PLEKHM3: variants seen among roughly 807,000 people sequenced by gnomAD.
PLEKHM3 encodes pleckstrin homology domain containing M3.
A neutral mutation model predicts 81.8 loss-of-function variants in PLEKHM3; 45 were observed. That is an observed-to-expected ratio of 0.55 (90% confidence interval 0.43 to 0.71). PLEKHM3 has a LOEUF of 0.71. PLEKHM3 is among the 30% of genes least tolerant of loss of function. The probability of loss-of-function intolerance (pLI) is 0.00; values close to 1 mark genes in which losing one functional copy is unlikely to be tolerated. For synonymous variants in PLEKHM3, 352 were observed against 356.4 expected (o/e 0.99, Z 0.14); for missense variants, 788 against 924.3 (o/e 0.85, Z 1.91).
chr2:207,872,624 G>T (rs1261245249), intron 6 of PLEKHM3, among the ~76,000 whole-genome samples: 2 of 152,178 alleles, frequency 1.3e-5, no homozygotes, highest in Non-Finnish European at 2.9e-5. Flanking sequence ...GATCACCTGA[G>T]GTCAGGAGTT....
At chr2:207,862,994 G>T (rs919225528) in intron 6 of PLEKHM3, among the ~76,000 whole-genome samples, 1 of 152,198 alleles carries the variant, frequency 6.6e-6, no homozygotes. Flanking sequence ...ACTGTGGTGA[G>T]GTTGCACCAG....
At chr2:207,869,277 T>C (rs1574353079) in intron 6 of PLEKHM3, among the ~76,000 whole-genome samples, 1 of 152,176 alleles carries the variant, frequency 6.6e-6, no homozygotes, top group Non-Finnish European at 1.5e-5. Flanking sequence ...GTTATCTCTA[T>C]TTATTCCCTC....
chr2:207,960,749 A>C (rs1690701385), intron 3 of PLEKHM3, among the ~76,000 whole-genome samples: 1 of 152,322 alleles, frequency 6.6e-6, no homozygotes, highest in South Asian at 2.1e-4. Context: ...GGCTGCCTGG[A>C]AACCTTTAGC....
intron 1 of PLEKHM3, among the ~76,000 whole-genome samples, chr2:208,025,120 A>G (rs987909216): frequency 3.9e-5 from 6 of 152,190 alleles, no homozygotes; most frequent in Non-Finnish European, 5.9e-5. Context: ...AACGCACTCA[A>G]CAAGATCACC....
Position 207,861,262 on chromosome 2 carries a change from C to T in PLEKHM3, c.1951G>A (p.Val651Ile). 6.2e-7 allele frequency: 1 copy of T among 1,613,568 alleles called. No individual in the cohort carries two copies. Among genetic ancestry groups the T allele is most frequent in the South Asian group, 1.1e-5 (1 of 90,992 alleles). ...AATGGAGCCAGCTTTCCCTCTATTA[C>T]CTGCAGAAAGAGAAATGGGACAGGG... is the stretch of plus-strand genomic sequence containing the variant. ...HLYSLADLQQ[V>I]IEGKLAPFLG... The change falls in exon 7 of 8, where the codon GTA becomes ATA. Residue 651 changes from valine to isoleucine, a missense_variant and splice_region_variant. Coordinates refer to ENST00000427836, the MANE Select transcript of PLEKHM3 (RefSeq NM_001080475.3).
At chr2:207,834,486 C>T (rs1326111208) in intron 7 of PLEKHM3, among the ~76,000 whole-genome samples, 1 of 146,776 alleles carries the variant, frequency 6.8e-6, no homozygotes, top group East Asian at 2.0e-4. Flanking sequence ...AGTACAATGG[C>T]GCAATCTCGG....
rs1353461986 is a variant in PLEKHM3 at position 207,935,664 on chromosome 2, G to T, written c.1693-4545C>A. On this transcript the variant is annotated intron_variant, in intron 4 of 7. Coordinates refer to ENST00000427836, the MANE Select transcript of PLEKHM3 (RefSeq NM_001080475.3). Reference sequence around the variant, plus strand: ...TACAAAGAGCATAAGTAACTTATTTGTGGTCATGTCATGGTAGAATTAGAG... The same window carrying T: ...TACAAAGAGCATAAGTAACTTATTTTTGGTCATGTCATGGTAGAATTAGAG... 2.0e-5 allele frequency among the ~76,000 whole-genome samples: 3 copies of T among 152,186 alleles called. No individual in the cohort carries two copies. The South Asian group carries it at 6.2e-4, about 32-fold the overall frequency.
Position 207,826,489 on chromosome 2 carries a change from T to G in PLEKHM3, c.*1830A>C, listed in dbSNP as rs2092252142. 6.6e-6 allele frequency: 1 copy of G among 152,216 alleles called. No individual in the cohort carries two copies. Among genetic ancestry groups the G allele is most frequent in the African/African-American group, 2.4e-5 (1 of 41,454 alleles). The allele number at this position is 152,216 out of a possible 1,614,324, so 9.4% of individuals were successfully genotyped here. A position where few individuals can be genotyped will look rare whatever the true frequency, so the allele number is the denominator to read the frequency against. ...AGGGCCCTGGCCTTTTAACAAGTTT[T>G]CAAGCCTTGGTTGCGGCTACTGTAT... On this transcript the variant is annotated 3_prime_UTR_variant, in exon 8 of 8. Coordinates refer to ENST00000427836, the MANE Select transcript of PLEKHM3 (RefSeq NM_001080475.3).
intron 7 of PLEKHM3, among the ~76,000 whole-genome samples, chr2:207,829,266 G>A (rs890324211): frequency 2.0e-5 from 3 of 152,026 alleles, no homozygotes; most frequent in African/African-American, 4.8e-5. Flanking sequence ...TTTTTACAGC[G>A]AAGTTTTTAT....
At position 207,871,149 on chromosome 2, in the gene PLEKHM3, T is replaced by C. The variant is rs182382435; in HGVS notation, c.1951-9887A>G. On this transcript the variant is annotated intron_variant, in intron 6 of 7. Transcript: ENST00000427836. ...AAATATCACCAAAGTATATGGGATA[T>C]TCCTATTTCAAAAAGTTGTTCAAAA... Among the ~76,000 whole-genome samples the C allele has an allele frequency of 2.0e-3, 305 of 152,284 alleles. 1 individual carries two copies. The highest frequency in any genetic ancestry group is 7.1e-3 in the African/African-American group (294 of 41,558).
At chr2:207,934,568 G>GT (rs1422703124) in intron 4 of PLEKHM3, among the ~76,000 whole-genome samples, 1 of 152,172 alleles carries the variant, frequency 6.6e-6, no homozygotes, top group African/African-American at 2.4e-5. Flanking sequence ...GCTGCAGTTT[G>GT]TGAACTGATT....
intron 1 of PLEKHM3, among the ~76,000 whole-genome samples, chr2:208,017,003 T>C (rs1296273163): frequency 6.6e-6 from 1 of 152,212 alleles, no homozygotes; most frequent in Non-Finnish European, 1.5e-5. Flanking sequence ...AAGTCATCTC[T>C]AGGTTACTTA....
chr2:207,911,871 C>G (rs1027150255), intron 5 of PLEKHM3, among the ~76,000 whole-genome samples: 1 of 152,112 alleles, frequency 6.6e-6, no homozygotes, highest in Non-Finnish European at 1.5e-5. Context: ...GGGACAAATG[C>G]AGGAGAGCAT....
At chr2:207,998,178 T>A (rs1692182151) in intron 2 of PLEKHM3, among the ~76,000 whole-genome samples, 1 of 152,170 alleles carries the variant, frequency 6.6e-6, no homozygotes, top group Non-Finnish European at 1.5e-5. Flanking sequence ...TGGCATGCCA[T>A]TTACTCACAT....
At chr2:207,960,708 T>C (rs1464033073) in intron 3 of PLEKHM3, among the ~76,000 whole-genome samples, 2 of 152,152 alleles carry the variant, frequency 1.3e-5, no homozygotes, top group African/African-American at 4.8e-5. Flanking sequence ...TATTGAGAGA[T>C]GAAGATCACA....
Position 207,865,801 on chromosome 2 carries a change from A to AAAAAAAAAAAAAAAAAAT in PLEKHM3, c.1951-4540_1951-4539insATTTTTTTTTTTTTTTTT. Among the ~76,000 whole-genome samples, 4 of 25,298 alleles carry AAAAAAAAAAAAAAAAAAT rather than the reference A, an allele frequency of 1.6e-4. 1 individual carries two copies. The highest frequency in any genetic ancestry group is 7.6e-5 in the Non-Finnish European group (1 of 13,198). The allele number at this position is 25,298 out of a possible 152,430, so 16.6% of individuals were successfully genotyped here. A position where few individuals can be genotyped will look rare whatever the true frequency, so the allele number is the denominator to read the frequency against. On this transcript the variant is annotated intron_variant, in intron 6 of 7. Transcript: ENST00000427836. ...CGACTCAAAAAAAAAAAAAAAAAAA[A>AAAAAAAAAAAAAAAAAAT]AGATATATATATATATATATATATA...
rs956143 is a variant in PLEKHM3, at chr2:207,828,741, C to T, written c.2109-245G>A. 7.9e-4 allele frequency among the ~76,000 whole-genome samples: 121 copies of T among 152,250 alleles called. 1 individual carries two copies. In the East Asian group the frequency reaches 0.02, roughly 26 times the overall value. On this transcript the variant is annotated intron_variant, in intron 7 of 7. Coordinates refer to ENST00000427836, the MANE Select transcript of PLEKHM3 (RefSeq NM_001080475.3). ...TAGGGCTTATGAGTGGGGGGGAGTC[C>T]GCAGTCACCCAGCAATTCTGGTTAT...
chr2:207,931,080 C>T lies in PLEKHM3; in HGVS notation c.1732G>A (p.Glu578Lys), dbSNP rs779382311. The change falls in exon 5 of 8, where the codon GAA (glutamate) becomes AAA (lysine). Residue 578 changes from glutamate to lysine, a missense_variant. By Grantham distance (56) the Glu-to-Lys change is moderately conservative (BLOSUM62 1). Coordinates refer to ENST00000427836, the MANE Select transcript of PLEKHM3 (RefSeq NM_001080475.3). ...TGCTGGATGTCGATGAGCGGCTCTT[C>T]GTACACGTACTCCAGAAACTCCTTG... The part of the protein sequence containing the change: ...QAKEFLEYVY[E>K]EPLIDIQQEN... 2 of 1,613,872 alleles carry T rather than the reference C, an allele frequency of 1.2e-6. No homozygotes were observed. Among genetic ancestry groups the T allele is most frequent in the East Asian group, 2.2e-5 (1 of 44,868 alleles).
chr2:207,908,884 G>A (rs1377413149), intron 5 of PLEKHM3, among the ~76,000 whole-genome samples: 7 of 152,194 alleles, frequency 4.6e-5, no homozygotes, highest in Admixed American at 2.6e-4. Context: ...AGCTGTGTCC[G>A]TAATAAGCTG....
Sources: gnomAD v4.1 joint callset for allele counts (sites outside exome capture counted in the v4.1 genomes callset) on GRCh38, gnomAD v4.1.1 for gene constraint, MANE v1.5 for transcripts, NCBI Gene and HGNC (gene_info 2026-07-23, HGNC 2026-07-21) for gene names.